The following CLTC variants were observed in gnomAD, a reference collection of about 807,000 sequenced individuals.
CLTC encodes clathrin heavy chain.
Under a neutral mutation model 195.8 loss-of-function variants are expected in CLTC, and 16 were observed. The ratio of observed to expected loss-of-function variants is 0.08; its 90% CI spans 0.06 to 0.12. CLTC has a LOEUF of 0.12. Ranked by LOEUF, CLTC falls within the 10% of genes least tolerant of loss-of-function variation. The probability of loss-of-function intolerance (pLI) is 1.00; values close to 1 mark genes in which losing one functional copy is unlikely to be tolerated. For missense variants in CLTC, 796 were observed against 2,027.0 expected, an observed-to-expected ratio of 0.39 and a Z score of 11.66; for synonymous variants, 667 against 689.4, an observed-to-expected ratio of 0.97 and a Z score of 0.51.
At position 59,673,727 on chromosome 17, in the gene CLTC, A is replaced by T; in HGVS notation, c.2373A>T (p.Leu791Phe). The T allele has an allele frequency of 6.8e-7, 1 of 1,471,108 alleles. No individual in the cohort carries two copies. The highest frequency in any genetic ancestry group is 9.5e-7 in the Non-Finnish European group (1 of 1,050,144). 91.1% of individuals were successfully genotyped at this position (1,471,108 alleles called of 1,614,324 possible). ...TTGTCCATGATTTGGTGCTCTATTT[A>T]TATAGAAATAATCTTCAAAAGTATA... is the stretch of plus-strand genomic sequence containing the variant. ...FDFVHDLVLY[L>F]YRNNLQKYIE... The change falls in exon 15 of 32, where the codon TTA becomes TTT. Residue 791 changes from leucine to phenylalanine, a missense_variant. Coordinates refer to ENST00000269122, the MANE Select transcript of CLTC (RefSeq NM_004859.4).
rs372557827 is a variant in CLTC at position 59,688,655 on chromosome 17, C to T, written c.4828-1981C>T. Among the ~76,000 whole-genome samples, 33 of 152,110 alleles carry T rather than the reference C, an allele frequency of 2.2e-4. 2 individuals carry two copies. Among genetic ancestry groups the T allele is most frequent in the East Asian group, 1.7e-3 (9 of 5,192 alleles). On this transcript the variant is annotated intron_variant, in intron 30 of 31. Coordinates refer to ENST00000269122, the MANE Select transcript of CLTC (RefSeq NM_004859.4). ...TCCTTCAGAATTCTTCCCCCTACGCCCAAACTTCCTATGTGTATGCCAGGG... is the reference window on the plus strand; with the variant it reads ...TCCTTCAGAATTCTTCCCCCTACGCTCAAACTTCCTATGTGTATGCCAGGG...
intron 5 of CLTC, among the ~76,000 whole-genome samples, chr17:59,654,335 C>T (rs2032409203): frequency 6.6e-6 from 1 of 151,594 alleles, no homozygotes; most frequent in Admixed American, 6.6e-5. Context: ...ACCACCCCAC[C>T]TGGGTAATTT....
intron 1 of CLTC, among the ~76,000 whole-genome samples, chr17:59,636,380 C>CA (rs2031860256): frequency 6.6e-6 from 1 of 152,130 alleles, no homozygotes; most frequent in Admixed American, 6.5e-5. Flanking sequence ...ACAGGAAAAA[C>CA]AAAGTTTAAA....
At chr17:59,679,884 C>T (rs576758973) in intron 18 of CLTC, among the ~76,000 whole-genome samples, 9 of 151,980 alleles carry the variant, frequency 5.9e-5, no homozygotes, top group Admixed American at 2.6e-4. Context: ...GCCTGGCCAA[C>T]GTAGTAAAAC....
chr17:59,691,841 A>G (rs534065812), intron 31 of CLTC, among the ~76,000 whole-genome samples: 2 of 152,070 alleles, frequency 1.3e-5, no homozygotes, highest in African/African-American at 4.8e-5. Context: ...TAGGAAACAC[A>G]TCAAGTCCTT....
intron 1 of CLTC, among the ~76,000 whole-genome samples, chr17:59,623,625 T>C (rs920177996): frequency 3.3e-5 from 5 of 152,382 alleles, no homozygotes; most frequent in Middle Eastern, 3.4e-3. Context: ...AGATTCCATT[T>C]ATATCGAATC....
chr17:59,637,665 C>T (rs1478092109), intron 1 of CLTC, among the ~76,000 whole-genome samples: 1 of 143,918 alleles, frequency 6.9e-6, no homozygotes, highest in Non-Finnish European at 1.5e-5. Flanking sequence ...GAGTTGGAGA[C>T]CAGACTGGGA....
chr17:59,663,393 A>C lies in CLTC; in HGVS notation c.1369-449A>C, dbSNP rs77383664. On this transcript the variant is annotated intron_variant, in intron 8 of 31. Transcript: ENST00000269122. ...TATAGGTTACACTGTGAGTTTAATA[A>C]CTGTCCTTATGGTAAACCTCATCTG... 4.9e-4 allele frequency among the ~76,000 whole-genome samples: 74 copies of C among 152,308 alleles called. 1 individual carries two copies. The East Asian group carries it at 0.013, about 27-fold the overall frequency.
intron 16 of CLTC, among the ~76,000 whole-genome samples, chr17:59,675,223 T>TA (rs1171003574): frequency 1.3e-5 from 2 of 152,140 alleles, no homozygotes; most frequent in South Asian, 4.2e-4. Context: ...GAAAGCTGAT[T>TA]AAAAAAAACA....
At chr17:59,673,514 A>G (rs953964983) in intron 14 of CLTC, 133 bp from the exon 15 acceptor site, 2 of 651,578 alleles carry the variant, frequency 3.1e-6, no homozygotes, top group Non-Finnish European at 2.6e-6. Flanking sequence ...CTATTGGGAC[A>G]TTCTTTCTTT....
intron 1 of CLTC, among the ~76,000 whole-genome samples, chr17:59,643,853 T>G (rs2032113464): frequency 6.6e-6 from 1 of 152,232 alleles, no homozygotes. Context: ...CTGTGACATT[T>G]TAGATCTTTT....
rs1598230078 is a variant in CLTC at position 59,669,482 on chromosome 17, G to GT, written c.2292+543dup. Among the ~76,000 whole-genome samples, 9 of 152,324 alleles carry GT rather than the reference G, an allele frequency of 5.9e-5. No homozygotes were observed. The East Asian group carries it at 1.7e-3, about 29-fold the overall frequency. On this transcript the variant is annotated intron_variant, in intron 14 of 31. Coordinates refer to ENST00000269122, the MANE Select transcript of CLTC (RefSeq NM_004859.4). ...GACACATTAAATCAGTTAGAGAGGA[G>GT]TAAGGACCACCTGTGTTGCAGGGAG...
chr17:59,660,083 G>A (rs961262694), intron 6 of CLTC, among the ~76,000 whole-genome samples: 1 of 152,148 alleles, frequency 6.6e-6, no homozygotes, highest in Non-Finnish European at 1.5e-5. Context: ...GATACTGACT[G>A]TGTTAAGAAT....
intron 1 of CLTC, among the ~76,000 whole-genome samples, chr17:59,620,698 CCGGTGGTGGGGGTTGG>C (rs1343740195): frequency 2.0e-5 from 3 of 151,598 alleles, no homozygotes; most frequent in Admixed American, 1.3e-4. Flanking sequence ...GGCACCTTCT[CCGGTGGTGGGGGTTGG>C]GGGTGGTGGT....
At position 59,677,085 on chromosome 17, in the gene CLTC, C is replaced by T; in HGVS notation, c.2693C>T (p.Pro898Leu). The T allele has an allele frequency of 6.2e-7, 1 of 1,613,972 alleles. No individual in the cohort carries two copies. Among genetic ancestry groups the T allele is most frequent in the Admixed American group, 1.7e-5 (1 of 60,008 alleles). ...NNPERFLREN[P>L]YYDSRVVGKY... Reference sequence around the variant, plus strand: ...CCGGAGAGATTTCTTCGTGAAAATCCCTACTATGACAGTCGCGTTGTTGGA... The same window carrying T: ...CCGGAGAGATTTCTTCGTGAAAATCTCTACTATGACAGTCGCGTTGTTGGA... The change falls in exon 17 of 32, where the codon CCC (proline) becomes CTC (leucine). Residue 898 changes from proline (P) to leucine (L), a missense_variant. This residue lies in a region of CLTC where 160 missense variants were observed against 448.2 expected (regional missense o/e 0.36). Coordinates refer to ENST00000269122, the MANE Select transcript of CLTC (RefSeq NM_004859.4).
chr17:59,635,023 A>G (rs1008240303), intron 1 of CLTC, among the ~76,000 whole-genome samples: 1 of 152,220 alleles, frequency 6.6e-6, no homozygotes, highest in African/African-American at 2.4e-5. Flanking sequence ...TTAAGTACTG[A>G]CTTAAAAATG....
rs1273473197 is a variant in CLTC at position 59,682,119 on chromosome 17, C to T, written c.3443-152C>T. 9 of 743,658 alleles carry T rather than the reference C, an allele frequency of 1.2e-5. No individual in the cohort carries two copies. The highest frequency in any genetic ancestry group is 9.0e-5 in the Admixed American group (3 of 33,368). 46.1% of individuals were successfully genotyped at this position (743,658 alleles called of 1,614,324 possible). A position where few individuals can be genotyped will look rare whatever the true frequency, so the allele number is the denominator to read the frequency against. On this transcript the variant is annotated intron_variant, in intron 21 of 31. Transcript: ENST00000269122. This position sits in a 1 kb window ranked among gnomAD's most constrained non-coding sequence, Gnocchi z 6.8. ...AAAGAATTCATCTATTCATTTGGTC[C>T]GTGATAATACAGAAGTGAAATATTG...
chr17:59,651,968 A>G (rs1480463575), intron 5 of CLTC, among the ~76,000 whole-genome samples: 1 of 152,232 alleles, frequency 6.6e-6, no homozygotes, highest in Admixed American at 6.5e-5. Context: ...CTGCTTTATT[A>G]GCTAAGTTTC....
chr17:59,643,403 T>TAGATCC (rs1158432701), intron 1 of CLTC, among the ~76,000 whole-genome samples: 1 of 152,192 alleles, frequency 6.6e-6, no homozygotes, highest in East Asian at 1.9e-4. Flanking sequence ...CTACCATCTT[T>TAGATCC]AGATCCACTA....
Sources: allele counts gnomAD v4.1 joint callset (sites outside exome capture counted in the v4.1 genomes callset), GRCh38; gene constraint gnomAD v4.1.1; regional missense constraint gnomAD v4.1.1; non-coding constraint Gnocchi (gnomAD v3.1); transcripts MANE v1.5; gene names NCBI Gene and HGNC (gene_info 2026-07-23, HGNC 2026-07-21).